The following FABP6 variants were observed in gnomAD, a reference collection of about 807,000 sequenced individuals.
FABP6 encodes the protein gastrotropin.
In FABP6, 13 loss-of-function variants were observed where a neutral mutation model predicts 14.9. The observed-to-expected ratio is 0.87, with a 90% CI of 0.57 to 1.39. The LOEUF (loss-of-function observed/expected upper bound fraction) is 1.39, where lower values mean the gene tolerates loss of function less well. Among genes scored for constraint, FABP6 ranks in the 40% most tolerant of loss-of-function variants. FABP6 has a pLI of 0.00. For missense variants in FABP6, 161 were observed against 167.2 expected, an observed-to-expected ratio of 0.96 and a Z score of 0.20; for synonymous variants, 75 against 63.6, an observed-to-expected ratio of 1.18 and a Z score of -0.85.
At chr5:160,225,992 G>A (rs1760236817), upstream of FABP6, among the ~76,000 whole-genome samples, 1 of 151,762 alleles carries the variant, frequency 6.6e-6, no homozygotes, top group Non-Finnish European at 1.5e-5. Context: ...TGGCCAACAT[G>A]GCAAACTCCT....
chr5:160,212,166 C>CT, intron 2 of FABP6, among the ~76,000 whole-genome samples: 1 of 151,166 alleles, frequency 6.6e-6, no homozygotes, highest in East Asian at 2.0e-4. Flanking sequence ...ATTTCTTTTT[C>CT]TTTTTTGAGA....
At chr5:160,192,457 C>G (rs1017873944) in intron 1 of FABP6, among the ~76,000 whole-genome samples, 4 of 152,254 alleles carry the variant, frequency 2.6e-5, no homozygotes, top group Non-Finnish European at 5.9e-5. Context: ...TGCGTGTTTA[C>G]TCTCCACTAA....
intron 2 of FABP6, among the ~76,000 whole-genome samples, chr5:160,208,904 G>A (rs1759826679): frequency 6.6e-6 from 1 of 151,502 alleles, no homozygotes; most frequent in South Asian, 2.1e-4. Flanking sequence ...AGCCTCCCAA[G>A]TTGGTGGGAT....
At chr5:160,191,625 T>A in intron 1 of FABP6, among the ~76,000 whole-genome samples, 1 of 152,168 alleles carries the variant, frequency 6.6e-6, no homozygotes, top group South Asian at 2.1e-4. Flanking sequence ...AAAATTTTTT[T>A]AATTGAGATG....
At chr5:160,236,113 C>T (rs1475230048) in intron 3 of FABP6, among the ~76,000 whole-genome samples, 1 of 150,918 alleles carries the variant, frequency 6.6e-6, no homozygotes, top group Non-Finnish European at 1.5e-5. Context: ...CCCTCAGGTT[C>T]AAGCAATTCT....
intron 2 of FABP6, among the ~76,000 whole-genome samples, chr5:160,212,653 T>A (rs527626526): frequency 5.3e-5 from 8 of 152,092 alleles, no homozygotes; most frequent in African/African-American, 1.9e-4. Context: ...GTATTTTTAG[T>A]AGAGACAGGG....
chr5:160,229,648 T>C (rs755093160), intron 1 of FABP6, 24 bp downstream of exon 1: 1 of 1,610,646 alleles, frequency 6.2e-7, no homozygotes, highest in Non-Finnish European at 8.5e-7. Flanking sequence ...TGGGTATCCC[T>C]TCCTCGGGGT....
chr5:160,193,241 T>A (rs115482670), intron 1 of FABP6, among the ~76,000 whole-genome samples: 1 of 151,920 alleles, frequency 6.6e-6, no homozygotes, highest in African/African-American at 2.4e-5. Flanking sequence ...ACTTTCGCGG[T>A]GAGTGTTGCG....
intron 3 of FABP6, among the ~76,000 whole-genome samples, chr5:160,237,287 C>T (rs1239679289): frequency 1.3e-5 from 2 of 152,094 alleles, no homozygotes; most frequent in African/African-American, 4.8e-5. Flanking sequence ...CCAGAGATTC[C>T]TCATCATGGA....
At chr5:160,226,926 C>G (rs1312073091), upstream of FABP6, among the ~76,000 whole-genome samples, 4 of 152,088 alleles carry the variant, frequency 2.6e-5, no homozygotes, top group African/African-American at 9.7e-5. Context: ...TCCTTTGTTC[C>G]AGGAATTTCA....
chr5:160,206,530 A>C (rs191716481), intron 2 of FABP6, among the ~76,000 whole-genome samples: 8 of 152,334 alleles, frequency 5.3e-5, no homozygotes, highest in Non-Finnish European at 1.2e-4. Flanking sequence ...TCCTAGGTAC[A>C]CAGATAGAAG....
chr5:160,234,775 A>G (rs1253812339), intron 2 of FABP6, 45 bp from the exon 3 acceptor site: 1 of 1,510,724 alleles, frequency 6.6e-7, no homozygotes, highest in African/African-American at 1.4e-5. Context: ...GATAGTTGCC[A>G]ATCACCTGCA....
At chr5:160,226,334 G>A (rs376922149), upstream of FABP6, among the ~76,000 whole-genome samples, 6 of 151,668 alleles carry the variant, frequency 4.0e-5, no homozygotes, top group East Asian at 3.9e-4. Context: ...AGGCCGAGGC[G>A]GGCAGATCAC....
intron 2 of FABP6, among the ~76,000 whole-genome samples, chr5:160,199,588 C>T (rs867867151): frequency 2.0e-5 from 3 of 152,188 alleles, no homozygotes; most frequent in African/African-American, 4.8e-5. Context: ...CGGCTGTCTC[C>T]TACTGAGGCC....
chr5:160,188,619 T>G (rs1405058050), intron 1 of FABP6, among the ~76,000 whole-genome samples: 4 of 152,164 alleles, frequency 2.6e-5, no homozygotes, highest in Non-Finnish European at 4.4e-5. Flanking sequence ...CCCGGAGGTG[T>G]CGCCCCTGGG....
chr5:160,215,067 T>G (rs925984488), intron 3 of FABP6, among the ~76,000 whole-genome samples: 8 of 152,234 alleles, frequency 5.3e-5, no homozygotes, highest in African/African-American at 1.9e-4. Context: ...TAACACATAG[T>G]TTTGAATAAT....
At position 160,192,618 on chromosome 5, in the gene FABP6, C is replaced by T. The variant is rs573536484; in HGVS notation, c.-59+5164C>T. Among the ~76,000 whole-genome samples, 5 of 152,368 alleles carry T rather than the reference C, an allele frequency of 3.3e-5. No homozygotes were observed. The South Asian group carries it at 6.2e-4, about 19-fold the overall frequency. ...CCAATAGACACTGGGCCCTACTATG[C>T]GCCTGGCACCGTGCTAGACAGCAGG... On this transcript the variant is annotated intron_variant, in intron 1 of 6. Transcript: ENST00000393980.
intron 2 of FABP6, among the ~76,000 whole-genome samples, chr5:160,204,497 A>T (rs2032837): frequency 2.0e-5 from 3 of 151,702 alleles, no homozygotes; most frequent in East Asian, 1.9e-4. Flanking sequence ...TTCCTTTTTT[A>T]GGGGGGGTGG....
At chr5:160,216,256 C>G (rs1345918335) in intron 3 of FABP6, among the ~76,000 whole-genome samples, 1 of 150,796 alleles carries the variant, frequency 6.6e-6, no homozygotes, top group African/African-American at 2.4e-5. Flanking sequence ...ATATGACTTA[C>G]AGTTCTCATT....
Sources: allele counts gnomAD v4.1 joint callset (sites outside exome capture counted in the v4.1 genomes callset), GRCh38; gene constraint gnomAD v4.1.1; transcripts MANE v1.5; gene names NCBI Gene and HGNC (gene_info 2026-07-23, HGNC 2026-07-21).